LEMD3: variants seen among roughly 807,000 people sequenced by gnomAD.
The protein encoded by LEMD3 is inner nuclear membrane protein Man1.
LEMD3 carries 33 observed loss-of-function variants against 95.2 expected under a neutral mutation model. The observed-to-expected ratio is 0.35, with a 90% CI of 0.26 to 0.46. LEMD3 has a LOEUF of 0.46. Ranked by LOEUF, LEMD3 falls within the 20% of genes least tolerant of loss-of-function variation. The probability of loss-of-function intolerance (pLI) is 1.00; values close to 1 mark genes in which losing one functional copy is unlikely to be tolerated. For synonymous variants in LEMD3, 525 were observed against 474.6 expected (o/e 1.11, Z -1.38); for missense variants, 1,210 against 1,192.8 (o/e 1.01, Z -0.21).
At chr12:65,211,407 C>G (rs1021815530) in intron 2 of LEMD3, among the ~76,000 whole-genome samples, 1 of 152,148 alleles carries the variant, frequency 6.6e-6, no homozygotes, top group Admixed American at 6.5e-5. Flanking sequence ...ATCAAAAGGA[C>G]TTAGAAAGGA....
chr12:65,204,898 A>G (rs760076547), intron 1 of LEMD3, among the ~76,000 whole-genome samples: 5 of 152,170 alleles, frequency 3.3e-5, no homozygotes, highest in Non-Finnish European at 5.9e-5. Context: ...GCTTGAGTAA[A>G]TATAAGTAAT....
intron 3 of LEMD3, among the ~76,000 whole-genome samples, chr12:65,216,855 T>G (rs1870126114): frequency 6.6e-6 from 1 of 152,182 alleles, no homozygotes; most frequent in African/African-American, 2.4e-5. Flanking sequence ...TTTTGTACAT[T>G]GGGTTCTTAA....
At chr12:65,229,105 C>A (rs1231633762) in intron 4 of LEMD3, among the ~76,000 whole-genome samples, 1 of 152,032 alleles carries the variant, frequency 6.6e-6, no homozygotes, top group Non-Finnish European at 1.5e-5. Flanking sequence ...TTAACTTGGA[C>A]TTCTAACTCA....
intron 2 of LEMD3, among the ~76,000 whole-genome samples, chr12:65,211,375 A>T (rs1043155776): frequency 1.3e-5 from 2 of 152,176 alleles, no homozygotes; most frequent in African/African-American, 4.8e-5. Context: ...GATCTTCTGC[A>T]TATTGGCATG....
chr12:65,237,197 T>G (rs1161448853), intron 4 of LEMD3, among the ~76,000 whole-genome samples: 1 of 152,158 alleles, frequency 6.6e-6, no homozygotes, highest in African/African-American at 2.4e-5. Context: ...AAATAACTTT[T>G]CCAGAATGAA....
At chr12:65,241,603 C>T (rs1870940950) in intron 9 of LEMD3, among the ~76,000 whole-genome samples, 1 of 151,872 alleles carries the variant, frequency 6.6e-6, no homozygotes, top group South Asian at 2.1e-4. Flanking sequence ...GTTTCAAAAA[C>T]ATGTATAAAT....
In LEMD3 at chr12:65,214,972, G is replaced by T. The variant is rs540873130; in HGVS notation, c.1561-1005G>T. Among the ~76,000 whole-genome samples the T allele has an allele frequency of 3.3e-5, 5 of 152,210 alleles. No homozygotes were observed. The South Asian group carries it at 1.0e-3, about 32-fold the overall frequency. ...GGACTCTTTTCATACAATTATTTCTGCTTCCGAGCCAGCCTATACATTGTA... is the reference window on the plus strand; with the variant it reads ...GGACTCTTTTCATACAATTATTTCTTCTTCCGAGCCAGCCTATACATTGTA... On this transcript the variant is annotated intron_variant, in intron 2 of 12. Transcript: ENST00000308330.
chr12:65,215,788 G>A (rs987527655), intron 2 of LEMD3, among the ~76,000 whole-genome samples, 189 bp from the exon 3 acceptor site: 5 of 151,908 alleles, frequency 3.3e-5, no homozygotes, highest in African/African-American at 1.2e-4. Context: ...AATATTTAGA[G>A]TAATAATTTA....
At chr12:65,179,290 G>T (rs552619646) in intron 1 of LEMD3, among the ~76,000 whole-genome samples, 7 of 152,068 alleles carry the variant, frequency 4.6e-5, no homozygotes, top group African/African-American at 1.4e-4. Context: ...TAATGGAAAT[G>T]ATGCATTTGA....
chr12:65,246,280 T>C lies in LEMD3; in HGVS notation c.2691T>C (p.His897=). 6.2e-7 allele frequency: 1 copy of C among 1,613,720 alleles called. No individual in the cohort carries two copies. The highest frequency in any genetic ancestry group is 2.2e-5 in the East Asian group (1 of 44,862). The part of the protein sequence containing the change: ...PSNKHMNSMS[H]LRLRTGLTNS... ...ATAAACATATGAACTCCATGTCTCA[T>C]CTTCGTCTTCGGACTGGCCTAACCA... Residue 897 remains histidine, a synonymous_variant, in exon 13 of 13, where the codon CAT becomes CAC. Coordinates refer to ENST00000308330, the MANE Select transcript of LEMD3 (RefSeq NM_014319.5).
Position 65,234,412 on chromosome 12 carries a change from G to A in LEMD3, c.1696-4090G>A, listed in dbSNP as rs1330921122. On this transcript the variant is annotated intron_variant, in intron 4 of 12. Coordinates refer to ENST00000308330, the MANE Select transcript of LEMD3 (RefSeq NM_014319.5). ...TCAGGTATATGCTATGTATGCTACA[G>A]TATTAGCATCAACTATTTGGCACAA... Among the ~76,000 whole-genome samples the A allele has an allele frequency of 1.2e-4, 18 of 152,116 alleles. 1 individual carries two copies. The highest frequency in any genetic ancestry group is 1.2e-3 in the Admixed American group (18 of 15,270).
intron 9 of LEMD3, among the ~76,000 whole-genome samples, chr12:65,241,701 C>G (rs1870944124): frequency 6.6e-6 from 1 of 152,090 alleles, no homozygotes; most frequent in Admixed American, 6.6e-5. Context: ...GAAAACAATG[C>G]ATCAGAAAAT....
chr12:65,177,446 G>A (rs752410607), intron 1 of LEMD3, among the ~76,000 whole-genome samples: 69 of 152,192 alleles, frequency 4.5e-4, no homozygotes, highest in African/African-American at 1.6e-3. Flanking sequence ...TAATATCATT[G>A]GAGGAATTAG....
At position 65,169,611 on chromosome 12, in the gene LEMD3, A is replaced by G. The variant is rs1476285077; in HGVS notation, c.15A>G (p.Ala5=). The change falls in exon 1 of 13, where the codon GCA becomes GCG. Residue 5 remains alanine (A), a synonymous_variant. Transcript: ENST00000308330. Reference sequence around the variant, plus strand: ...CTGGAGAGAAAATGGCGGCGGCAGCAGCTTCGGCGCCTCAGCAGCTCTCGG... The same window carrying G: ...CTGGAGAGAAAATGGCGGCGGCAGCGGCTTCGGCGCCTCAGCAGCTCTCGG... MAAA[A]ASAPQQLSDE... is the part of the protein sequence containing the mutation. 2.5e-6 allele frequency: 4 copies of G among 1,588,090 alleles called. No individual in the cohort carries two copies. The South Asian group carries it at 3.4e-5, about 14-fold the overall frequency.
At position 65,170,664 on chromosome 12, in the gene LEMD3, A is replaced by C; in HGVS notation, c.1068A>C (p.Arg356Ser). ...CDQVDSSPVP[R>S]YRVNAKKLTP... ...AAGTGGACTCCAGCCCCGTTCCTAG[A>C]TACCGTGTTAACGCTAAGAAACTGA... Residue 356 changes from arginine (R) to serine (S), a missense_variant, in exon 1 of 13, where the codon AGA becomes AGC. Arg to Ser is a moderately radical substitution (Grantham distance 110). Coordinates refer to ENST00000308330, the MANE Select transcript of LEMD3 (RefSeq NM_014319.5). 2 of 1,614,170 alleles carry C rather than the reference A, an allele frequency of 1.2e-6. No individual in the cohort carries two copies. The highest frequency in any genetic ancestry group is 1.7e-6 in the Non-Finnish European group (2 of 1,180,010).
At chr12:65,187,531 A>G (rs1869104118) in intron 1 of LEMD3, among the ~76,000 whole-genome samples, 2 of 152,080 alleles carry the variant, frequency 1.3e-5, no homozygotes, top group South Asian at 2.1e-4. Flanking sequence ...GTACTGTACT[A>G]TCTGCACAAT....
intron 1 of LEMD3, among the ~76,000 whole-genome samples, chr12:65,194,842 A>ACTTTAG (rs1565784578): frequency 4.1e-5 from 6 of 144,634 alleles, no homozygotes; most frequent in African/African-American, 7.4e-5. Flanking sequence ...TATAAATTAT[A>ACTTTAG]ATTTAGATTA....
chr12:65,216,065 G>A, intron 3 of LEMD3, 22 bp downstream of exon 3: 2 of 1,492,212 alleles, frequency 1.3e-6, no homozygotes, highest in East Asian at 2.3e-5. Flanking sequence ...AACTTTTATA[G>A]TTGCTAAAAA....
chr12:65,192,360 A>G (rs925624504), intron 1 of LEMD3, among the ~76,000 whole-genome samples: 11 of 152,156 alleles, frequency 7.2e-5, no homozygotes, highest in Admixed American at 3.9e-4. Context: ...ATATGCATTC[A>G]TATGAATGCC....
Sources: allele counts gnomAD v4.1 joint callset (sites outside exome capture counted in the v4.1 genomes callset), GRCh38; gene constraint gnomAD v4.1.1; transcripts MANE v1.5; gene names NCBI Gene and HGNC (gene_info 2026-07-23, HGNC 2026-07-21).